PPP1R12C: variants seen among roughly 807,000 people sequenced by gnomAD.
PPP1R12C encodes the protein leukocyte receptor cluster (LRC) encoded novel gene 3.
Under a neutral mutation model 95.6 loss-of-function variants are expected in PPP1R12C, and 48 were observed. The observed-to-expected ratio is 0.50, with a 90% confidence interval of 0.40 to 0.64. The LOEUF is 0.64. Ranked by LOEUF, PPP1R12C falls within the 30% of genes least tolerant of loss-of-function variation. The pLI is 0.00. For missense variants in PPP1R12C, 1,057 were observed against 1,083.3 expected (o/e 0.98, Z 0.34); for synonymous variants, 480 against 460.8 (o/e 1.04, Z -0.53).
At chr19:55,117,147 G>C (rs539935249) in intron 1 of PPP1R12C, 76 bp downstream of exon 1, 2 of 1,140,978 alleles carry the variant, frequency 1.8e-6, no homozygotes, top group East Asian at 3.8e-5. Flanking sequence ...GACTGGCAAC[G>C]GGGAAGGAGG....
intron 20 of PPP1R12C, 33 bp from the exon 21 acceptor site, chr19:55,091,733 T>C: frequency 1.2e-6 from 2 of 1,612,922 alleles, no homozygotes; most frequent in Admixed American, 1.7e-5. Flanking sequence ...AGAAACTGAG[T>C]GAGGCTGAGG....
Position 55,092,817 on chromosome 19 carries a change from C to A in PPP1R12C, c.1877G>T (p.Arg626Leu), listed in dbSNP as rs773384260. 2 of 1,564,238 alleles carry A rather than the reference C, an allele frequency of 1.3e-6. No homozygotes were observed. The highest frequency in any genetic ancestry group is 1.2e-5 in the South Asian group (1 of 85,744). Residue 626 changes from arginine (R) to leucine (L), a missense_variant, in exon 16 of 22, where the codon CGC (arginine) becomes CTC (leucine). Arg to Leu is a moderately radical substitution (Grantham distance 102, BLOSUM62 -2). Around this residue, in one of 5 missense-constraint regions of PPP1R12C, gnomAD observed 347 missense variants for 307.9 expected, o/e 1.13. Transcript: ENST00000263433. ...CCCCCTCCACTCCTTTCCGACCTTG[C>A]GGTGCTCCCTGGCCGCCTGCGGTCC... ...GPGPQAAREH[R>L]KVGKEWRGPA...
rs1284650352 is a variant in PPP1R12C at position 55,099,111 on chromosome 19, G to T, written c.732-16C>A. 1.3e-6 allele frequency: 2 copies of T among 1,514,734 alleles called. No homozygotes were observed. Among genetic ancestry groups the T allele is most frequent in the Non-Finnish European group, 1.8e-6 (2 of 1,129,052 alleles). 93.8% of individuals were successfully genotyped at this position (1,514,734 alleles called of 1,614,324 possible). A position where few individuals can be genotyped will look rare whatever the true frequency, so the allele number is the denominator to read the frequency against. On this transcript the variant is annotated splice_polypyrimidine_tract_variant and intron_variant, in intron 4 of 21. Coordinates refer to ENST00000263433, the MANE Select transcript of PPP1R12C (RefSeq NM_017607.4). ...AAGGAGCAACCTGGGGGCCAGGGAG[G>T]CTCAGGGTCAGAGGCCAAGGCGGGG...
chr19:55,117,549 C>T lies in PPP1R12C; in HGVS notation c.-6G>A, dbSNP rs2085169872. ...GGGCCATCCTCTCCGGACATCGCAC[C>T]GCCCGCCCGCCCAGCGAGCGAGCGA... On this transcript the variant is annotated 5_prime_UTR_variant, in exon 1 of 22. Coordinates refer to ENST00000263433, the MANE Select transcript of PPP1R12C (RefSeq NM_017607.4). 2.0e-6 allele frequency: 2 copies of T among 997,010 alleles called. No individual in the cohort carries two copies. The highest frequency in any genetic ancestry group is 1.8e-5 in the African/African-American group (1 of 56,954). 61.8% of individuals were successfully genotyped at this position (997,010 alleles called of 1,614,324 possible).
chr19:55,100,597 GTTTT>G (rs576835766), intron 4 of PPP1R12C, among the ~76,000 whole-genome samples: 1 of 152,328 alleles, frequency 6.6e-6, no homozygotes, highest in Non-Finnish European at 1.5e-5. Flanking sequence ...TGCAACAAAT[GTTTT>G]TTTGTTTTGT....
rs1485718158 is a variant in PPP1R12C, at chr19:55,117,236, C to T, written c.308G>A (p.Ser103Asn). ...VLDSTNADGI[S>N]ALHQACIDEN... is the part of the protein sequence containing the mutation. ...GGGGGCGCTGACCTGGTGCAGGGCG[C>T]TGATACCGTCGGCGTTGGTGGAGTC... The change falls in exon 1 of 22, where the codon AGC (serine) becomes AAC (asparagine). Residue 103 changes from serine to asparagine, a missense_variant. Transcript: ENST00000263433. 1.6e-6 allele frequency: 2 copies of T among 1,225,796 alleles called. No individual in the cohort carries two copies. The highest frequency in any genetic ancestry group is 2.0e-6 in the Non-Finnish European group (2 of 984,314). 75.9% of individuals were successfully genotyped at this position (1,225,796 alleles called of 1,614,324 possible).
chr19:55,111,972 A>C (rs2085100236), intron 3 of PPP1R12C: 1 of 152,870 alleles, frequency 6.5e-6, no homozygotes, highest in African/African-American at 2.4e-5. Flanking sequence ...CCCTAGAAAA[A>C]TGAACCTGGC....
Position 55,117,435 on chromosome 19 carries a change from G to T in PPP1R12C, c.109C>A (p.Pro37Thr). The change falls in exon 1 of 22, where the codon CCT (proline) becomes ACT (threonine). Residue 37 changes from proline to threonine, a missense_variant. Physicochemically the swap from Pro to Thr is conservative, Grantham distance 38. Transcript: ENST00000263433. Reference protein sequence around the residue: ...RQWGARAGAEPGPGERRARTV... With the variant: ...RQWGARAGAETGPGERRARTV... ...CGGGCGCGGCGCTCTCCGGGGCCAG[G>T]CTCGGCGCCCGCCCGCGCCCCCCAC... is the stretch of plus-strand genomic sequence containing the variant. The T allele has an allele frequency of 1.0e-6, 1 of 999,060 alleles. No individual in the cohort carries two copies. Among genetic ancestry groups the T allele is most frequent in the Non-Finnish European group, 1.2e-6 (1 of 841,024 alleles). 61.9% of individuals were successfully genotyped at this position (999,060 alleles called of 1,614,324 possible). A position where few individuals can be genotyped will look rare whatever the true frequency, so the allele number is the denominator to read the frequency against.
Position 55,099,002 on chromosome 19 carries a change from G to A in PPP1R12C, c.825C>T (p.Ala275=). The part of the protein sequence containing the change: ...HAAAHWGVED[A]CRLLAEHGGG... ...CGCCATGCTCGGCCAGCAGGCGGCA[G>A]GCATCCTCCACGCCCCAGTGTGCCG... is the stretch of plus-strand genomic sequence containing the variant. The change falls in exon 5 of 22, where the codon GCC becomes GCT. Residue 275 remains alanine (A), a synonymous_variant. Transcript: ENST00000263433. 4 of 1,558,610 alleles carry A rather than the reference G, an allele frequency of 2.6e-6. No homozygotes were observed. The highest frequency in any genetic ancestry group is 3.5e-6 in the Non-Finnish European group (4 of 1,151,390).
At chr19:55,106,039 C>T (rs544226239) in intron 3 of PPP1R12C, among the ~76,000 whole-genome samples, 6 of 152,104 alleles carry the variant, frequency 3.9e-5, no homozygotes, top group South Asian at 4.1e-4. Flanking sequence ...TTCTGAAAGG[C>T]GATTTTTGTC....
chr19:55,091,542 C>T lies in PPP1R12C; in HGVS notation c.2279G>A (p.Arg760His), dbSNP rs200677433. 2.0e-4 allele frequency: 326 copies of T among 1,613,812 alleles called. No individual in the cohort carries two copies. The highest frequency in any genetic ancestry group is 1.2e-3 in the Middle Eastern group (7 of 6,062). ...ATCCTTGAGGCGCTGGTTGTCAGCG[C>T]GGAGGTCAGACAGGGCCTGGGGGAC... The part of the protein sequence containing the change: ...EEELKALSDL[R>H]ADNQRLKDEN... The change falls in exon 22 of 22, where the codon CGC becomes CAC. Residue 760 changes from arginine (R) to histidine (H), a missense_variant. Physicochemically the swap from Arg to His is conservative, Grantham distance 29. Coordinates refer to ENST00000263433, the MANE Select transcript of PPP1R12C (RefSeq NM_017607.4).
rs1353944920 is a variant in PPP1R12C at position 55,117,507 on chromosome 19, C to T, written c.37G>A (p.Ala13Thr). 4 of 1,026,758 alleles carry T rather than the reference C, an allele frequency of 3.9e-6. No individual in the cohort carries two copies. Among genetic ancestry groups the T allele is most frequent in the Non-Finnish European group, 3.5e-6 (3 of 857,270 alleles). 63.6% of individuals were successfully genotyped at this position (1,026,758 alleles called of 1,614,324 possible). Residue 13 changes from alanine to threonine, a missense_variant, in exon 1 of 22, where the codon GCG becomes ACG. Ala to Thr is a moderately conservative substitution (Grantham distance 58, BLOSUM62 0). Coordinates refer to ENST00000263433, the MANE Select transcript of PPP1R12C (RefSeq NM_017607.4). ...GEDGPAAGPG[A>T]AAAAARERRR... is the part of the protein sequence containing the mutation. The stretch of plus-strand genomic sequence containing the variant: ...CGCTCCCGGGCAGCCGCCGCCGCCG[C>T]CCCCGGGCCAGCCGCCGGGCCATCC...
rs2084999761 is a variant in PPP1R12C at position 55,103,443 on chromosome 19, C to T, written c.697G>A (p.Val233Met). 4 of 1,558,160 alleles carry T rather than the reference C, an allele frequency of 2.6e-6. No individual in the cohort carries two copies. The highest frequency in any genetic ancestry group is 2.3e-5 in the South Asian group (2 of 86,764). Residue 233 changes from valine (V) to methionine (M), a missense_variant, in exon 4 of 22, where the codon GTG becomes ATG. By Grantham distance (21) the Val-to-Met change is conservative. This residue lies in a region of PPP1R12C where 282 missense variants were observed against 380.4 expected (regional missense o/e 0.74). Coordinates refer to ENST00000263433, the MANE Select transcript of PPP1R12C (RefSeq NM_017607.4). ...TCAATGTAGCCCTTGGCAGCAGCCACGTGCAGGGCAGAGGCGCCTGTGCGG... is the reference window on the plus strand; with the variant it reads ...TCAATGTAGCCCTTGGCAGCAGCCATGTGCAGGGCAGAGGCGCCTGTGCGG... Reference protein sequence around the residue: ...HPRTGASALHVAAAKGYIEVM... With the variant: ...HPRTGASALHMAAAKGYIEVM...
At chr19:55,110,832 T>C (rs993243130) in intron 3 of PPP1R12C, among the ~76,000 whole-genome samples, 7 of 149,564 alleles carry the variant, frequency 4.7e-5, no homozygotes, top group African/African-American at 7.4e-5. Flanking sequence ...AATCATGCCA[T>C]TGCACTCCAG....
intron 4 of PPP1R12C, among the ~76,000 whole-genome samples, chr19:55,100,806 G>A (rs576189577): frequency 1.6e-3 from 245 of 152,064 alleles, no homozygotes; most frequent in African/African-American, 5.5e-3. Flanking sequence ...TAGCGACGGG[G>A]TTTCACTGTG....
chr19:55,097,338 T>G, intron 6 of PPP1R12C, among the ~76,000 whole-genome samples: 1 of 107,024 alleles, frequency 9.3e-6, no homozygotes, highest in African/African-American at 3.4e-5. Flanking sequence ...TTCCCTGCAG[T>G]TCACCACCGT....
chr19:55,102,251 C>T (rs1425815029), intron 4 of PPP1R12C, among the ~76,000 whole-genome samples: 1 of 152,202 alleles, frequency 6.6e-6, no homozygotes, highest in Non-Finnish European at 1.5e-5. Flanking sequence ...CAGTGGCTCA[C>T]GCCTGTAACC....
Position 55,099,038 on chromosome 19 carries a change from G to A in PPP1R12C, c.789C>T (p.Pro263=). ...CGCCCCAGTGTGCCGCTGCGTGCAG[G>A]GGAGTCCAGCCGTCCCCGTCCCGGA... ...PELRDGDGWT[P]LHAAAHWGVE... The change falls in exon 5 of 22, where the codon CCC becomes CCT. Residue 263 remains proline, a synonymous_variant. Transcript: ENST00000263433. 2 of 1,554,560 alleles carry A rather than the reference G, an allele frequency of 1.3e-6. No homozygotes were observed. The highest frequency in any genetic ancestry group is 8.7e-7 in the Non-Finnish European group (1 of 1,149,224).
rs1602976319 is a variant in PPP1R12C, at chr19:55,095,473, G to A, written c.1358C>T (p.Ser453Phe). Residue 453 changes from serine (S) to phenylalanine (F), a missense_variant, in exon 10 of 22, where the codon TCC (serine) becomes TTC (phenylalanine). Physicochemically the swap from Ser to Phe is radical, Grantham distance 155. Around this residue, in one of 5 missense-constraint regions of PPP1R12C, gnomAD observed 356 missense variants for 330.5 expected, o/e 1.08. Coordinates refer to ENST00000263433, the MANE Select transcript of PPP1R12C (RefSeq NM_017607.4). ...PGAGLQRSAS[S>F]SWLEGTSTQA... ...AGTGGAGGTCCCTTCCAGCCAGGAG[G>A]AGGAAGCCGAGCGCTGCAGCCCAGC... is the stretch of plus-strand genomic sequence containing the variant. The A allele has an allele frequency of 1.2e-5, 18 of 1,563,872 alleles. No homozygotes were observed. In the East Asian group the frequency reaches 4.3e-4, roughly 37 times the overall value.
Sources: gnomAD v4.1 joint callset for allele counts (sites outside exome capture counted in the v4.1 genomes callset) on GRCh38, gnomAD v4.1.1 for gene constraint, gnomAD v4.1.1 regional missense constraint, MANE v1.5 for transcripts, NCBI Gene and HGNC (gene_info 2026-07-23, HGNC 2026-07-21) for gene names.